Variants in CNTN5 observed in about 807,000 individuals in gnomAD.
CNTN5 encodes the protein contactin-5.
Under a neutral mutation model 129.1 loss-of-function variants are expected in CNTN5, and 77 were observed. That is an observed-to-expected ratio of 0.60 (90% confidence interval 0.50 to 0.72). The LOEUF (loss-of-function observed/expected upper bound fraction) is 0.72. CNTN5 is among the 30% of genes least tolerant of loss of function. The pLI is 0.00. For missense variants in CNTN5, 1,478 were observed against 1,328.8 expected (o/e 1.11, Z -1.75); for synonymous variants, 509 against 465.6 (o/e 1.09, Z -1.20).
intron 1 of CNTN5, among the ~76,000 whole-genome samples, chr11:99,199,682 A>C (rs1167769804): frequency 6.6e-6 from 1 of 152,148 alleles, no homozygotes; most frequent in Non-Finnish European, 1.5e-5. Flanking sequence ...AGAAACACAC[A>C]ATGTTTGTTA....
chr11:99,149,452 T>C (rs1249914359), intron 1 of CNTN5, among the ~76,000 whole-genome samples: 1 of 152,202 alleles, frequency 6.6e-6, no homozygotes, highest in African/African-American at 2.4e-5. Flanking sequence ...ATTGCATTTC[T>C]TTTGTGAAGA....
At chr11:99,849,813 A>G (rs1041795949) in intron 6 of CNTN5, among the ~76,000 whole-genome samples, 2 of 152,096 alleles carry the variant, frequency 1.3e-5, no homozygotes, top group Non-Finnish European at 2.9e-5. Flanking sequence ...CATTTTTCAG[A>G]TGATAACTCT....
Position 100,223,001 on chromosome 11 carries a change from T to TAA in CNTN5, c.1885-1685_1885-1684dup, listed in dbSNP as rs34378448. Among the ~76,000 whole-genome samples, 4 of 152,112 alleles carry TAA rather than the reference T, an allele frequency of 2.6e-5. No homozygotes were observed. The South Asian group carries it at 6.2e-4, about 24-fold the overall frequency. On this transcript the variant is annotated intron_variant, in intron 15 of 24. Coordinates refer to ENST00000524871, the MANE Select transcript of CNTN5 (RefSeq NM_014361.4). The stretch of plus-strand genomic sequence containing the variant: ...TAGAGTTTGCTTTTATTTCCCCATT[T>TAA]AAAAAAATCAAAGGTTTTAAAGTTG...
chr11:100,261,136 A>T (rs992900714), intron 17 of CNTN5, among the ~76,000 whole-genome samples: 2 of 152,208 alleles, frequency 1.3e-5, no homozygotes, highest in Non-Finnish European at 2.9e-5. Flanking sequence ...AATTACAAGC[A>T]TTCATATATA....
At chr11:99,964,030 G>A (rs1951023709) in intron 8 of CNTN5, among the ~76,000 whole-genome samples, 1 of 152,168 alleles carries the variant, frequency 6.6e-6, no homozygotes, top group African/African-American at 2.4e-5. Context: ...CTTTGCTGAA[G>A]TTGCTTATCA....
intron 2 of CNTN5, among the ~76,000 whole-genome samples, chr11:99,349,586 A>T (rs969746999): frequency 1.3e-5 from 2 of 152,182 alleles, no homozygotes; most frequent in Non-Finnish European, 2.9e-5. Flanking sequence ...CCATGGTGTA[A>T]TGGATCATTT....
chr11:100,028,070 T>C (rs1941515946), intron 9 of CNTN5, among the ~76,000 whole-genome samples: 2 of 151,808 alleles, frequency 1.3e-5, no homozygotes, highest in South Asian at 4.2e-4. Flanking sequence ...TTTGAATAAA[T>C]TATGGGAAAA....
At chr11:99,423,858 ATGGGG>A (rs1943002090) in intron 2 of CNTN5, among the ~76,000 whole-genome samples, 2 of 143,496 alleles carry the variant, frequency 1.4e-5, no homozygotes, top group Admixed American at 1.4e-4. Context: ...TAGGGTGGGT[ATGGGG>A]TGGGGGAGCG....
chr11:100,123,750 C>G (rs1469455392), intron 13 of CNTN5, among the ~76,000 whole-genome samples: 2 of 151,694 alleles, frequency 1.3e-5, no homozygotes, highest in Non-Finnish European at 2.9e-5. Context: ...GACTATAATG[C>G]AATTAAATGG....
At chr11:100,112,604 T>A (rs1945692433) in intron 13 of CNTN5, among the ~76,000 whole-genome samples, 1 of 152,120 alleles carries the variant, frequency 6.6e-6, no homozygotes, top group Non-Finnish European at 1.5e-5. Context: ...TTGCATGGCA[T>A]TATGAAACAT....
chr11:99,516,627 T>C (rs1947061851), intron 2 of CNTN5, among the ~76,000 whole-genome samples: 1 of 152,102 alleles, frequency 6.6e-6, no homozygotes, highest in Admixed American at 6.6e-5. Context: ...CAAATGTGAA[T>C]TTCTTTCATG....
At chr11:99,205,360 G>T (rs1417637306) in intron 1 of CNTN5, among the ~76,000 whole-genome samples, 2 of 152,002 alleles carry the variant, frequency 1.3e-5, no homozygotes, top group Non-Finnish European at 2.9e-5. Context: ...ATCTCTACCT[G>T]CTCTAGAAGA....
At chr11:99,578,118 G>A (rs1323122656) in intron 3 of CNTN5, among the ~76,000 whole-genome samples, 4 of 151,786 alleles carry the variant, frequency 2.6e-5, no homozygotes, top group African/African-American at 9.7e-5. Context: ...TGAGAATGAT[G>A]GTTTCCAGTT....
intron 3 of CNTN5, among the ~76,000 whole-genome samples, chr11:99,624,685 A>G (rs2060116643): frequency 6.6e-6 from 1 of 152,202 alleles, no homozygotes; most frequent in Non-Finnish European, 1.5e-5. Flanking sequence ...TAACATGGTG[A>G]AATCCATTCT....
At chr11:99,379,412 G>C (rs551796322) in intron 2 of CNTN5, among the ~76,000 whole-genome samples, 1 of 151,814 alleles carries the variant, frequency 6.6e-6, no homozygotes, top group African/African-American at 2.4e-5. Flanking sequence ...ATTGATTTCT[G>C]GTTCAATACC....
chr11:99,657,940 A>G (rs1335743258), intron 3 of CNTN5, among the ~76,000 whole-genome samples: 3 of 152,120 alleles, frequency 2.0e-5, no homozygotes, highest in South Asian at 4.1e-4. Context: ...ACTGAGGCCC[A>G]CTCTAATGGA....
chr11:100,260,304 T>C (rs1950168761), intron 17 of CNTN5, among the ~76,000 whole-genome samples: 1 of 152,160 alleles, frequency 6.6e-6, no homozygotes, highest in Admixed American at 6.5e-5. Context: ...AAGTAATTAA[T>C]AGCCTACCAA....
chr11:99,968,285 G>T (rs11607130), intron 8 of CNTN5, among the ~76,000 whole-genome samples: 1 of 152,160 alleles, frequency 6.6e-6, no homozygotes, highest in Non-Finnish European at 1.5e-5. Context: ...AAATTCATCA[G>T]TTGTCACAGT....
intron 2 of CNTN5, among the ~76,000 whole-genome samples, chr11:99,537,461 T>C (rs1473270901): frequency 6.6e-6 from 1 of 152,198 alleles, no homozygotes; most frequent in East Asian, 1.9e-4. Flanking sequence ...GAAAAGGAAT[T>C]CAAAGGTAAG....
Sources: allele counts gnomAD v4.1 joint callset (sites outside exome capture counted in the v4.1 genomes callset), GRCh38; gene constraint gnomAD v4.1.1; transcripts MANE v1.5; gene names NCBI Gene and HGNC (gene_info 2026-07-23, HGNC 2026-07-21).